PFKFB1: variants seen among roughly 807,000 people sequenced by gnomAD.
PFKFB1 encodes the protein 6-phosphofructo-2-kinase/fructose-2,6-bisphosphatase 1.
PFKFB1 carries 34 observed loss-of-function variants against 46.4 expected under a neutral mutation model. The ratio of observed to expected loss-of-function variants is 0.73; its 90% CI spans 0.56 to 0.98. The LOEUF (loss-of-function observed/expected upper bound fraction) is 0.98, where lower values mean the gene tolerates loss of function less well. Ranked by LOEUF, PFKFB1 falls within the 50% of genes least tolerant of loss-of-function variation. The pLI, the probability that PFKFB1 is intolerant of heterozygous loss-of-function variation, is 0.00. For synonymous variants in PFKFB1, 119 were observed against 133.8 expected, an observed-to-expected ratio of 0.89 and a Z score of 0.76; for missense variants, 393 against 376.3, an observed-to-expected ratio of 1.04 and a Z score of -0.37.
At chrX:54,973,352 C>T (rs1934739962) in intron 1 of PFKFB1, among the ~76,000 whole-genome samples, 1 of 111,231 alleles carries the variant, frequency 9.0e-6, no homozygotes, top group Non-Finnish European at 1.9e-5. Flanking sequence ...CAGTTCTGCT[C>T]TGATCTTAGT....
At chrX:54,966,151 T>C (rs1934467294) in intron 1 of PFKFB1, among the ~76,000 whole-genome samples, 1 of 111,824 alleles carries the variant, frequency 8.9e-6, no homozygotes, top group Admixed American at 9.5e-5. Flanking sequence ...ACCGAGATGG[T>C]CAGATTAGAT....
At chrX:54,977,398 GAATA>G (rs1269439586) in intron 1 of PFKFB1, among the ~76,000 whole-genome samples, 21 of 109,685 alleles carry the variant, frequency 1.9e-4, no homozygotes, top group South Asian at 3.9e-4. Flanking sequence ...TAGTAGGGTG[GAATA>G]AATAAATAAA....
intron 9 of PFKFB1, among the ~76,000 whole-genome samples, chrX:54,946,499 A>G (rs950584550): frequency 3.6e-5 from 4 of 111,595 alleles, no homozygotes; most frequent in Admixed American, 2.8e-4. Context: ...GTTGTTGTCT[A>G]TTGGGCCCAT....
At chrX:54,956,301 A>C in intron 6 of PFKFB1, 27 bp from the exon 7 acceptor site, 1 of 1,208,969 alleles carries the variant, frequency 8.3e-7, no homozygotes, top group Non-Finnish European at 1.1e-6. Flanking sequence ...CAGAGGTATC[A>C]AGGGAGACAT....
intron 1 of PFKFB1, among the ~76,000 whole-genome samples, chrX:54,986,168 C>T (rs1602226584): frequency 8.9e-6 from 1 of 111,873 alleles, no homozygotes; most frequent in South Asian, 3.7e-4. Context: ...CTGAAAGATA[C>T]AAGGCAGGCC....
Position 54,993,820 on chromosome X carries a change from G to T in PFKFB1, c.97+91C>A, listed in dbSNP as rs752154375. 50 of 1,094,202 alleles carry T rather than the reference G, an allele frequency of 4.6e-5. No individual in the cohort carries two copies. In the African/African-American group the frequency reaches 7.7e-4, roughly 17 times the overall value. The allele number at this position is 1,094,202 out of a possible 1,213,427, so 90.2% of individuals were successfully genotyped here. ...TATTCCAACTTTTAGGTTGAGGTAG[G>T]AGTGGATGGCAAGGGGAGGTGCATC... On this transcript the variant is annotated intron_variant, in intron 1 of 13. Coordinates refer to ENST00000375006, the MANE Select transcript of PFKFB1 (RefSeq NM_002625.4).
chrX:54,963,350 T>C lies in PFKFB1; in HGVS notation c.130A>G (p.Met44Val), dbSNP rs746266406. The C allele has an allele frequency of 1.7e-6, 2 of 1,209,609 alleles. No homozygotes were observed. The highest frequency in any genetic ancestry group is 1.7e-5 in the African/African-American group (1 of 57,797). Reference sequence around the variant, plus strand: ...GCTGGTAAACCCACCATGATCACCATTGTGGGGGAATTGGTAAACTGGGGT... The same window carrying C: ...GCTGGTAAACCCACCATGATCACCACTGTGGGGGAATTGGTAAACTGGGGT... ...SIPQFTNSPT[M>V]VIMVGLPARG... Residue 44 changes from methionine to valine, a missense_variant, in exon 2 of 14, where the codon ATG becomes GTG. Coordinates refer to ENST00000375006, the MANE Select transcript of PFKFB1 (RefSeq NM_002625.4).
Position 54,933,132 on chromosome X carries a change from A to T in PFKFB1, c.*271T>A. ...GTCAGTACCTTGAGAACAACTGGAA[A>T]AGCCTCGCCATGACCTCCTCCTCTC... On this transcript the variant is annotated 3_prime_UTR_variant, in exon 14 of 14. Transcript: ENST00000375006. The T allele has an allele frequency of 2.7e-6, 1 of 363,923 alleles. No homozygotes were observed. The highest frequency in any genetic ancestry group is 4.6e-5 in the South Asian group (1 of 21,910). The allele number at this position is 363,923 out of a possible 1,213,427, so 30.0% of individuals were successfully genotyped here. A position where few individuals can be genotyped will look rare whatever the true frequency, so the allele number is the denominator to read the frequency against.
chrX:54,933,569 C>G (rs1005740126), intron 13 of PFKFB1, 107 bp from the exon 14 acceptor site: 6 of 678,164 alleles, frequency 8.8e-6, no homozygotes, highest in African/African-American at 8.6e-5. Flanking sequence ...CAGCCAGGCC[C>G]GGATCCTGAC....
intron 6 of PFKFB1, among the ~76,000 whole-genome samples, chrX:54,957,850 G>A (rs1007999252): frequency 9.0e-6 from 1 of 111,420 alleles, no homozygotes; most frequent in African/African-American, 3.3e-5. Flanking sequence ...TAGACCACAT[G>A]TCTAGAATCT....
intron 7 of PFKFB1, among the ~76,000 whole-genome samples, chrX:54,955,799 G>C (rs777751579): frequency 1.4e-3 from 152 of 112,172 alleles, no homozygotes; most frequent in African/African-American, 4.7e-3. Flanking sequence ...GAGTCCTAGA[G>C]GATTAAATGT....
At chrX:54,951,513 T>C (rs1230765737) in intron 8 of PFKFB1, among the ~76,000 whole-genome samples, 1 of 112,343 alleles carries the variant, frequency 8.9e-6, no homozygotes, top group Non-Finnish European at 1.9e-5. Flanking sequence ...GGCAGCTGTA[T>C]GTGCCACTGA....
At chrX:54,950,750 C>T (rs900381206) in intron 8 of PFKFB1, among the ~76,000 whole-genome samples, 1 of 112,211 alleles carries the variant, frequency 8.9e-6, no homozygotes, top group Non-Finnish European at 1.9e-5. Context: ...CACAGGTCAG[C>T]GTCTACCTCG....
chrX:54,970,167 C>G (rs1287719687), intron 1 of PFKFB1, among the ~76,000 whole-genome samples: 2 of 110,967 alleles, frequency 1.8e-5, no homozygotes, highest in Admixed American at 1.9e-4. Context: ...CCTCAGTCTC[C>G]CAAAGTGCTG....
rs762599406 is a variant in PFKFB1 at position 54,948,149 on chromosome X, C to T, written c.993+926G>A. Among the ~76,000 whole-genome samples the T allele has an allele frequency of 2.9e-3, 320 of 111,107 alleles. 2 individuals are homozygous for T. The highest frequency in any genetic ancestry group is 4.7e-3 in the Non-Finnish European group (250 of 52,963). On this transcript the variant is annotated intron_variant, in intron 9 of 13. Coordinates refer to ENST00000375006, the MANE Select transcript of PFKFB1 (RefSeq NM_002625.4). ...TGTTGCTCAGGCTGGTCTCCAACTC[C>T]TGGGCTCAAGTGATCCTCCCACCTA...
chrX:54,981,577 G>C (rs1180500509), intron 1 of PFKFB1, among the ~76,000 whole-genome samples: 1 of 111,428 alleles, frequency 9.0e-6, no homozygotes, highest in Non-Finnish European at 1.9e-5. Context: ...GGGTTCTATG[G>C]AATGTACCTC....
At chrX:54,942,375 T>C (rs185734129) in intron 10 of PFKFB1, among the ~76,000 whole-genome samples, 151 of 111,795 alleles carry the variant, frequency 1.4e-3, no homozygotes, top group African/African-American at 4.7e-3. Flanking sequence ...ACATGTACCC[T>C]AAAACTTAAA....
At chrX:54,945,872 T>A (rs1384516020) in intron 9 of PFKFB1, among the ~76,000 whole-genome samples, 1 of 111,058 alleles carries the variant, frequency 9.0e-6, no homozygotes, top group East Asian at 2.8e-4. Context: ...AAGTATGTAT[T>A]TTTATAAATA....
At chrX:54,956,094 A>G in intron 7 of PFKFB1, 59 bp downstream of exon 7, 1 of 805,852 alleles carries the variant, frequency 1.2e-6, no homozygotes. Flanking sequence ...TCTAGGTTCT[A>G]CAGGATATCA....
Sources: gnomAD v4.1 joint callset for allele counts (sites outside exome capture counted in the v4.1 genomes callset) on GRCh38, gnomAD v4.1.1 for gene constraint, MANE v1.5 for transcripts, NCBI Gene and HGNC (gene_info 2026-07-23, HGNC 2026-07-21) for gene names.